The following RYR1 variants were observed in gnomAD, a reference collection of about 807,000 sequenced individuals.
RYR1 encodes ryanodine receptor 1.
In RYR1, 342 loss-of-function variants were observed where a neutral mutation model predicts 583.5. The ratio of observed to expected loss-of-function variants is 0.59; its 90% CI spans 0.54 to 0.64. The LOEUF (loss-of-function observed/expected upper bound fraction) is 0.64. Among genes scored for constraint, RYR1 ranks in the 30% least tolerant of loss-of-function variants. The pLI is 0.00. For missense variants in RYR1, 6,032 were observed against 6,917.2 expected (o/e 0.87, Z 4.54); for synonymous variants, 2,791 against 2,822.5 (o/e 0.99, Z 0.35).
intron 1 of RYR1, 73 bp from the exon 2 acceptor site, chr19:38,440,672 G>A: frequency 6.4e-7 from 1 of 1,564,470 alleles, no homozygotes; most frequent in Non-Finnish European, 8.7e-7. Flanking sequence ...GGTGGGAGGA[G>A]GGGCCTGTGG....
Position 38,451,832 on chromosome 19 carries a change from C to T in RYR1, c.1191C>T (p.Ser397=). Residue 397 remains serine (S), a synonymous_variant, in exon 12 of 106, where the codon TCC becomes TCT. Coordinates refer to ENST00000359596, the MANE Select transcript of RYR1 (RefSeq NM_000540.3). ...LSLTRCQQEE[S]QAARMIHSTN... ...TGACCCGCTGCCAGCAGGAGGAGTCCCAGGCCGCCCGCATGATCCACAGCA... is the reference window on the plus strand; with the variant it reads ...TGACCCGCTGCCAGCAGGAGGAGTCTCAGGCCGCCCGCATGATCCACAGCA... 6.2e-7 allele frequency: 1 copy of T among 1,614,092 alleles called. No homozygotes were observed. Among genetic ancestry groups the T allele is most frequent in the Non-Finnish European group, 8.5e-7 (1 of 1,180,012 alleles).
At position 38,502,590 on chromosome 19, in the gene RYR1, G is replaced by A. The variant is rs533830328; in HGVS notation, c.7698G>A (p.Ala2566=). ...LAVLPLITKC[A]PLFAGTEHRA... ...TGCTGCCGCTCATCACCAAGTGTGC[G>A]CCGCTCTTTGCGGGCACAGAACACC... The change falls in exon 48 of 106, where the codon GCG becomes GCA. Residue 2566 remains alanine, a synonymous_variant. Transcript: ENST00000359596. The A allele has an allele frequency of 6.2e-7, 1 of 1,612,548 alleles. No homozygotes were observed. Among genetic ancestry groups the A allele is most frequent in the Non-Finnish European group, 8.5e-7 (1 of 1,179,902 alleles).
intron 65 of RYR1, 94 bp downstream of exon 65, chr19:38,516,311 C>A: frequency 6.9e-7 from 1 of 1,454,612 alleles, no homozygotes; most frequent in Non-Finnish European, 9.4e-7. Context: ...TGTGGCTGGG[C>A]TGGGCTGTGA....
chr19:38,456,358 T>A (rs1212485252), intron 16 of RYR1, among the ~76,000 whole-genome samples: 1 of 146,374 alleles, frequency 6.8e-6, no homozygotes, highest in Non-Finnish European at 1.5e-5. Context: ...CTCAGCTCAC[T>A]GCAACCTCTG....
chr19:38,480,148 CTGTT>C (rs1285887630), intron 31 of RYR1, among the ~76,000 whole-genome samples: 3 of 151,344 alleles, frequency 2.0e-5, no homozygotes, highest in African/African-American at 4.9e-5. Context: ...TCTTTTTTGT[CTGTT>C]TGTTTTTTGA....
rs2302297 is a variant in RYR1, at chr19:38,586,114, C to A, written c.14892C>A (p.Ile4964=). ...DMETKCFICG[I]GSDYFDTTPH... The stretch of plus-strand genomic sequence containing the variant: ...AGACCAAGTGCTTCATCTGTGGAAT[C>A]GGCAGTGACTACTTTGATACGACAC... The change falls in exon 104 of 106, where the codon ATC becomes ATA. Residue 4964 remains isoleucine, a synonymous_variant. Transcript: ENST00000359596. 35 of 1,614,118 alleles carry A rather than the reference C, an allele frequency of 2.2e-5. No homozygotes were observed. In the East Asian group the frequency reaches 7.6e-4, roughly 35 times the overall value.
At chr19:38,461,375 G>A (rs1967734036) in intron 20 of RYR1, among the ~76,000 whole-genome samples, 1 of 152,118 alleles carries the variant, frequency 6.6e-6, no homozygotes, top group South Asian at 2.1e-4. Context: ...AACAGATGGA[G>A]AAACTGAGCA....
intron 42 of RYR1, 93 bp downstream of exon 42, chr19:38,497,047 G>C (rs373441948): frequency 2.8e-6 from 3 of 1,071,048 alleles, no homozygotes; most frequent in Non-Finnish European, 4.3e-6. Context: ...AACTCATTCT[G>C]GGGGGCAATT....
chr19:38,463,602 A>G, intron 21 of RYR1, 75 bp downstream of exon 21: 5 of 1,516,744 alleles, frequency 3.3e-6, no homozygotes, highest in Non-Finnish European at 4.6e-6. Context: ...TCACCGGCGG[A>G]GAGGAGGGAG....
intron 23 of RYR1, among the ~76,000 whole-genome samples, chr19:38,465,760 G>A (rs142719117): frequency 6.6e-5 from 10 of 151,808 alleles, no homozygotes; most frequent in African/African-American, 7.2e-5. Flanking sequence ...GTGAAACTCC[G>A]TATCAAAAAA....
chr19:38,463,240 C>G (rs948523255), intron 20 of RYR1, among the ~76,000 whole-genome samples, 183 bp from the exon 21 acceptor site: 1 of 142,608 alleles, frequency 7.0e-6, no homozygotes, highest in African/African-American at 2.6e-5. Flanking sequence ...GAATGCTAAG[C>G]CCTCACCCAT....
At chr19:38,473,804 G>A in intron 28 of RYR1, 33 bp downstream of exon 28, 1 of 1,461,732 alleles carries the variant, frequency 6.8e-7, no homozygotes, top group South Asian at 1.3e-5. Context: ...TGGGGATTGG[G>A]GGCTGCCTTG....
chr19:38,446,887 A>G, intron 9 of RYR1, 119 bp downstream of exon 9: 2 of 763,872 alleles, frequency 2.6e-6, no homozygotes, highest in East Asian at 2.7e-5. Flanking sequence ...TCGAGGGAAA[A>G]TCAGAGCAGC....
chr19:38,494,266 G>A, intron 38 of RYR1, 86 bp from the exon 39 acceptor site: 4 of 1,554,992 alleles, frequency 2.6e-6, no homozygotes, highest in Non-Finnish European at 2.6e-6. Context: ...GGAACAGGGG[G>A]CCCCTTCCAC....
rs759527000 is a variant in RYR1, at chr19:38,543,706, G to T, written c.11907+46G>T. The stretch of plus-strand genomic sequence containing the variant: ...CGGGAGTGGGAAGGGAGGGGGTCCC[G>T]CATCGTGATCCCTGATCCCTTCTCG... On this transcript the variant is annotated intron_variant, in intron 86 of 105. Transcript: ENST00000359596. This position sits in a 1 kb window ranked among gnomAD's most constrained non-coding sequence, Gnocchi z 4.4. 1 of 1,611,386 alleles carries T rather than the reference G, an allele frequency of 6.2e-7. No individual in the cohort carries two copies. Among genetic ancestry groups the T allele is most frequent in the Non-Finnish European group, 8.5e-7 (1 of 1,179,948 alleles).
intron 22 of RYR1, among the ~76,000 whole-genome samples, chr19:38,464,082 GTCTGGCCAACATGGCAAAACCCCGTC>G (rs1181731457): frequency 6.6e-6 from 1 of 151,920 alleles, no homozygotes; most frequent in Non-Finnish European, 1.5e-5. Flanking sequence ...TTCGAGACCA[GTCTGGCCAACATGGCAAAACCCCGTC>G]TCTACTAAAA....
At chr19:38,505,726 A>T in intron 53 of RYR1, 80 bp from the exon 54 acceptor site, 1 of 1,569,388 alleles carries the variant, frequency 6.4e-7, no homozygotes, top group African/African-American at 1.4e-5. Flanking sequence ...CCACATGGTC[A>T]GGGTTTTCTC....
At chr19:38,548,814 T>C (rs1301707730) in intron 89 of RYR1, among the ~76,000 whole-genome samples, 1 of 152,184 alleles carries the variant, frequency 6.6e-6, no homozygotes, top group Non-Finnish European at 1.5e-5. Flanking sequence ...ACTCTTGGGC[T>C]CCAACAATTC....
In RYR1 at chr19:38,466,151, G is replaced by T. The variant is rs771471004; in HGVS notation, c.2931G>T (p.Thr977=). 1.2e-6 allele frequency: 2 copies of T among 1,613,294 alleles called. No individual in the cohort carries two copies. The highest frequency in any genetic ancestry group is 8.5e-7 in the Non-Finnish European group (1 of 1,179,876). ...APLDLSHVRL[T]PAQTTLVDRL... is the part of the protein sequence containing the mutation. ...TGGACCTGAGCCACGTGCGGCTGAC[G>T]CCGGCGCAGACGACACTGGTGGACC... Residue 977 remains threonine, a synonymous_variant, in exon 24 of 106, where the codon ACG becomes ACT. Coordinates refer to ENST00000359596, the MANE Select transcript of RYR1 (RefSeq NM_000540.3).
Sources: gnomAD v4.1 joint callset for allele counts (sites outside exome capture counted in the v4.1 genomes callset) on GRCh38, gnomAD v4.1.1 for gene constraint, Gnocchi (gnomAD v3.1) non-coding constraint, MANE v1.5 for transcripts, NCBI Gene and HGNC (gene_info 2026-07-23, HGNC 2026-07-21) for gene names.